The following FOXP2 variants were observed in gnomAD, a reference collection of about 807,000 sequenced individuals.
The protein encoded by FOXP2 is forkhead box protein P2.
A neutral mutation model predicts 115.8 loss-of-function variants in FOXP2; 12 were observed. That is an observed-to-expected ratio of 0.10 (90% CI 0.07 to 0.17). The LOEUF (loss-of-function observed/expected upper bound fraction) is 0.17. Ranked by LOEUF, FOXP2 falls within the 10% of genes least tolerant of loss-of-function variation. FOXP2 has a pLI of 1.00. For missense variants in FOXP2, 629 were observed against 843.5 expected (o/e 0.75, Z 3.15); for synonymous variants, 328 against 297.7 (o/e 1.10, Z -1.05).
chr7:114,112,345 A>G (rs774732714), intron 1 of FOXP2, among the ~76,000 whole-genome samples: 1 of 151,906 alleles, frequency 6.6e-6, no homozygotes, highest in Non-Finnish European at 1.5e-5. Context: ...GGCCCAGGCT[A>G]GAGTGCAGTG....
chr7:114,675,211 T>G (rs1429918539), intron 16 of FOXP2, among the ~76,000 whole-genome samples: 1 of 152,112 alleles, frequency 6.6e-6, no homozygotes, highest in Non-Finnish European at 1.5e-5. Context: ...TTATATATAC[T>G]AGAAAGAAAT....
At chr7:114,436,498 A>T (rs546828864) in intron 2 of FOXP2, among the ~76,000 whole-genome samples, 278 of 151,476 alleles carry the variant, frequency 1.8e-3, no homozygotes, top group South Asian at 3.3e-3. Flanking sequence ...AAAATTATTG[A>T]TATAAAATTC....
intron 3 of FOXP2, among the ~76,000 whole-genome samples, chr7:114,619,630 C>T (rs1804133073): frequency 6.6e-6 from 1 of 151,806 alleles, no homozygotes; most frequent in Admixed American, 6.6e-5. Context: ...TTAAAATTTG[C>T]AGTAGTGGAA....
chr7:114,564,322 T>C (rs1800896235), intron 3 of FOXP2, among the ~76,000 whole-genome samples: 1 of 152,172 alleles, frequency 6.6e-6, no homozygotes, highest in Non-Finnish European at 1.5e-5. Context: ...CTTCTTTCAA[T>C]ATGGTCAAAC....
intron 1 of FOXP2, among the ~76,000 whole-genome samples, chr7:114,167,819 CCAGCTACT>C (rs1562989206): frequency 6.6e-6 from 1 of 151,720 alleles, no homozygotes; most frequent in Admixed American, 6.6e-5. Flanking sequence ...GCCTGTAGTC[CCAGCTACT>C]CGGGAGGCTG....
intron 2 of FOXP2, among the ~76,000 whole-genome samples, chr7:114,520,997 T>C (rs1798597282): frequency 6.6e-6 from 1 of 152,106 alleles, no homozygotes; most frequent in African/African-American, 2.4e-5. Context: ...ATGGGAAAAG[T>C]CTAAATATCT....
intron 2 of FOXP2, among the ~76,000 whole-genome samples, chr7:114,303,934 A>G (rs976053519): frequency 1.3e-5 from 2 of 152,134 alleles, no homozygotes; most frequent in Non-Finnish European, 2.9e-5. Context: ...CAGGCTTTAT[A>G]CCTTTATGAA....
intron 3 of FOXP2, among the ~76,000 whole-genome samples, chr7:114,584,107 C>T (rs1377189681): frequency 2.6e-5 from 4 of 152,000 alleles, no homozygotes; most frequent in Non-Finnish European, 5.9e-5. Context: ...TAAAATAATT[C>T]ATTTGGGGTC....
rs544409717 is a variant in FOXP2 at position 114,554,561 on chromosome 7, G to A, written c.258+19855G>A. ...CAATTCTGTATTATTTTTAGTATGT[G>A]TATAATCATTATGATTTTTTGAAAA... On this transcript the variant is annotated intron_variant, in intron 3 of 16. Transcript: ENST00000350908. Among the ~76,000 whole-genome samples, 4 of 152,042 alleles carry A rather than the reference G, an allele frequency of 2.6e-5. No homozygotes were observed. In the South Asian group the frequency reaches 6.2e-4, roughly 24 times the overall value.
intron 2 of FOXP2, among the ~76,000 whole-genome samples, chr7:114,458,570 C>T (rs1170008682): frequency 1.8e-4 from 20 of 112,676 alleles, no homozygotes; most frequent in African/African-American, 6.7e-4. Flanking sequence ...TTTTTTGAGA[C>T]AGGATCTCCC....
chr7:114,687,209 C>T (rs542912855), intron 16 of FOXP2, among the ~76,000 whole-genome samples: 3 of 152,142 alleles, frequency 2.0e-5, no homozygotes, highest in Non-Finnish European at 4.4e-5. Context: ...AGCAACTTCC[C>T]TATGTTCTAC....
At chr7:114,379,735 G>T (rs1171259596) in intron 2 of FOXP2, among the ~76,000 whole-genome samples, 1 of 152,162 alleles carries the variant, frequency 6.6e-6, no homozygotes, top group Non-Finnish European at 1.5e-5. Context: ...CAGTGTAGGG[G>T]ATTATTTCTT....
chr7:114,404,914 G>C (rs1221634469), intron 2 of FOXP2, among the ~76,000 whole-genome samples: 2 of 151,872 alleles, frequency 1.3e-5, no homozygotes, highest in African/African-American at 2.4e-5. Context: ...GTATTTTAGT[G>C]TTTAGCATCA....
chr7:114,483,385 C>T (rs932001997), intron 2 of FOXP2, among the ~76,000 whole-genome samples: 4 of 151,536 alleles, frequency 2.6e-5, no homozygotes, highest in African/African-American at 9.7e-5. Context: ...CATTAAATAC[C>T]TTGCTCAAAA....
intron 2 of FOXP2, among the ~76,000 whole-genome samples, chr7:114,457,636 C>A (rs994992466): frequency 1.3e-5 from 2 of 152,116 alleles, no homozygotes; most frequent in African/African-American, 4.8e-5. Context: ...CAGTGGCTCA[C>A]GCCTGTAATC....
chr7:114,376,831 A>G (rs1357437284), intron 2 of FOXP2, among the ~76,000 whole-genome samples: 16 of 152,230 alleles, frequency 1.1e-4, no homozygotes, highest in Non-Finnish European at 2.1e-4. Context: ...ACTGAATCAT[A>G]GAAGCTGGAT....
chr7:114,683,588 G>C (rs547900871), intron 16 of FOXP2, among the ~76,000 whole-genome samples: 1 of 152,186 alleles, frequency 6.6e-6, no homozygotes, highest in African/African-American at 2.4e-5. Flanking sequence ...GTTCAGAGTA[G>C]ATCAATGAAA....
chr7:114,662,264 G>T, intron 14 of FOXP2, 78 bp downstream of exon 14: 2 of 1,590,048 alleles, frequency 1.3e-6, no homozygotes, highest in Non-Finnish European at 1.7e-6. Flanking sequence ...GGGCTGGGGT[G>T]GGGAGACAGT....
At chr7:114,301,163 TA>T (rs545625307) in intron 2 of FOXP2, among the ~76,000 whole-genome samples, 56 of 152,170 alleles carry the variant, frequency 3.7e-4, no homozygotes, top group Admixed American at 6.5e-4. Flanking sequence ...AAAAGAGTGA[TA>T]CATAGACCAT....
Sources: gnomAD v4.1 joint callset for allele counts (sites outside exome capture counted in the v4.1 genomes callset) on GRCh38, gnomAD v4.1.1 for gene constraint, MANE v1.5 for transcripts, NCBI Gene and HGNC (gene_info 2026-07-23, HGNC 2026-07-21) for gene names.